The following TMEM131 variants were observed in gnomAD, a reference collection of about 807,000 sequenced individuals.
TMEM131 encodes the protein 2610524E03Rik.
Under a neutral mutation model 211.6 loss-of-function variants are expected in TMEM131, and 66 were observed. That is an observed-to-expected ratio of 0.31 (90% CI 0.26 to 0.38). TMEM131 has a LOEUF of 0.38. Among genes scored for constraint, TMEM131 ranks in the 10% least tolerant of loss-of-function variants. The pLI, the probability that TMEM131 is intolerant of heterozygous loss-of-function variation, is 1.00. For synonymous variants in TMEM131, 844 were observed against 841.3 expected (o/e 1.00, Z -0.06); for missense variants, 2,036 against 2,299.3 (o/e 0.89, Z 2.34).
At chr2:97,835,465 AT>A (rs1159060736) in intron 8 of TMEM131, among the ~76,000 whole-genome samples, 41 of 152,368 alleles carry the variant, frequency 2.7e-4, no homozygotes, top group Non-Finnish European at 5.9e-4. Flanking sequence ...GTAAGACAGC[AT>A]ACATTTTCAG....
intron 5 of TMEM131, among the ~76,000 whole-genome samples, chr2:97,849,737 T>TTTTTC (rs1673523028): frequency 6.7e-6 from 1 of 148,152 alleles, no homozygotes; most frequent in African/African-American, 2.5e-5. Flanking sequence ...TTTTTTTTTT[T>TTTTTC]TTTACTGTTT....
At chr2:97,947,147 G>A (rs951632530) in intron 1 of TMEM131, among the ~76,000 whole-genome samples, 4 of 151,872 alleles carry the variant, frequency 2.6e-5, no homozygotes, top group Admixed American at 2.6e-4. Flanking sequence ...TTTAAGATTA[G>A]AACAAGGTAA....
intron 31 of TMEM131, among the ~76,000 whole-genome samples, chr2:97,787,536 C>T (rs1335982537): frequency 1.3e-5 from 2 of 152,240 alleles, no homozygotes; most frequent in Non-Finnish European, 2.9e-5. Flanking sequence ...TTTTCCTGGA[C>T]CTCCCATTGT....
At chr2:97,946,822 C>G (rs1237750240) in intron 1 of TMEM131, among the ~76,000 whole-genome samples, 4 of 151,702 alleles carry the variant, frequency 2.6e-5, no homozygotes, top group Admixed American at 2.6e-4. Context: ...TGCAAAAATT[C>G]TTGTCAAAAT....
chr2:97,904,776 G>A (rs1369612541), intron 3 of TMEM131, among the ~76,000 whole-genome samples: 1 of 149,220 alleles, frequency 6.7e-6, no homozygotes, highest in Non-Finnish European at 1.5e-5. Context: ...CTATCTTCGT[G>A]ACTAGTTTAT....
chr2:97,893,868 A>G (rs567347837), intron 3 of TMEM131, among the ~76,000 whole-genome samples: 30 of 148,896 alleles, frequency 2.0e-4, no homozygotes, highest in Admixed American at 6.0e-4. Context: ...CTGTGCAGAA[A>G]CTCTTTAGTT....
intron 11 of TMEM131, among the ~76,000 whole-genome samples, chr2:97,830,640 A>G (rs1349126608): frequency 1.3e-5 from 2 of 152,250 alleles, no homozygotes; most frequent in Non-Finnish European, 2.9e-5. Context: ...ACCAAGGGAA[A>G]CCTCATGCAA....
At chr2:97,767,413 C>T (rs1321000206) in intron 33 of TMEM131, among the ~76,000 whole-genome samples, 1 of 152,132 alleles carries the variant, frequency 6.6e-6, no homozygotes, top group Non-Finnish European at 1.5e-5. Context: ...GAGTAGAATA[C>T]CTATATGGGC....
intron 11 of TMEM131, among the ~76,000 whole-genome samples, chr2:97,822,499 C>A (rs943369396): frequency 3.3e-5 from 5 of 152,134 alleles, no homozygotes; most frequent in African/African-American, 1.2e-4. Flanking sequence ...GGGTAAAGTC[C>A]CAACACTAAC....
rs550758710 is a variant in TMEM131, at chr2:97,793,673, TTGTC to T, written c.3387-124_3387-121del. On this transcript the variant is annotated intron_variant, in intron 29 of 40. Transcript: ENST00000186436. Reference sequence around the variant, plus strand: ...CAATATGATGTAATAGAAAACCAAGTTGTCTGTGACAACTTTTAACAGACAAAAC... The same window carrying T: ...CAATATGATGTAATAGAAAACCAAGTTGTGACAACTTTTAACAGACAAAAC... The T allele has an allele frequency of 1.2e-4, 121 of 1,033,984 alleles. 1 individual carries two copies. In the South Asian group the frequency reaches 1.5e-3, roughly 13 times the overall value. 64.1% of individuals were successfully genotyped at this position (1,033,984 alleles called of 1,614,324 possible). A position where few individuals can be genotyped will look rare whatever the true frequency, so the allele number is the denominator to read the frequency against.
intron 25 of TMEM131, 132 bp downstream of exon 25, chr2:97,801,763 T>C: frequency 3.7e-6 from 2 of 543,800 alleles, no homozygotes; most frequent in Middle Eastern, 5.1e-4. Context: ...AAATAATTAC[T>C]GGACTGCTCT....
chr2:97,964,436 T>C lies in TMEM131; in HGVS notation c.187+31040A>G, dbSNP rs542520965. On this transcript the variant is annotated intron_variant, in intron 1 of 40. Coordinates refer to ENST00000186436, the MANE Select transcript of TMEM131 (RefSeq NM_015348.2). The stretch of plus-strand genomic sequence containing the variant: ...GCAAACAAATTGCAGGGAAATACAG[T>C]TGGGAAAGAAGTCAATGTTTTCCAT... Among the ~76,000 whole-genome samples the C allele has an allele frequency of 3.3e-5, 5 of 152,328 alleles. No homozygotes were observed. In the East Asian group the frequency reaches 5.8e-4, roughly 18 times the overall value.
chr2:97,910,247 T>C (rs1676238920), intron 2 of TMEM131, among the ~76,000 whole-genome samples: 1 of 152,150 alleles, frequency 6.6e-6, no homozygotes, highest in Admixed American at 6.5e-5. Flanking sequence ...GGCAAGGATG[T>C]GGTGAAACTG....
intron 3 of TMEM131, among the ~76,000 whole-genome samples, chr2:97,907,664 T>G (rs1486684174): frequency 1.3e-5 from 2 of 152,200 alleles, no homozygotes; most frequent in South Asian, 2.1e-4. Flanking sequence ...TTTTTAAGGA[T>G]AAATTTGCCT....
chr2:97,970,880 C>T (rs139733802), intron 1 of TMEM131, among the ~76,000 whole-genome samples: 74 of 152,252 alleles, frequency 4.9e-4, no homozygotes, highest in African/African-American at 1.5e-3. Flanking sequence ...TGACTATGTG[C>T]TCTGGAACTG....
At chr2:97,963,162 T>C (rs1313645348) in intron 1 of TMEM131, among the ~76,000 whole-genome samples, 2 of 152,196 alleles carry the variant, frequency 1.3e-5, no homozygotes, top group Non-Finnish European at 2.9e-5. Context: ...ATGCAAATTA[T>C]ACCTCAATAG....
chr2:97,794,852 G>C lies in TMEM131; in HGVS notation c.3386+78C>G, dbSNP rs542683222. ...CTGGCATATCCTAGCACTCAGAACAGTGGCTGGCACACAGTGGGCACTCGA... is the reference window on the plus strand; with the variant it reads ...CTGGCATATCCTAGCACTCAGAACACTGGCTGGCACACAGTGGGCACTCGA... On this transcript the variant is annotated intron_variant, in intron 29 of 40. Transcript: ENST00000186436. 2.1e-5 allele frequency: 26 copies of C among 1,244,100 alleles called. No individual in the cohort carries two copies. In the African/African-American group the frequency reaches 3.9e-4, roughly 19 times the overall value. The allele number at this position is 1,244,100 out of a possible 1,614,324, so 77.1% of individuals were successfully genotyped here.
intron 4 of TMEM131, among the ~76,000 whole-genome samples, chr2:97,868,203 T>G (rs533092298): frequency 7.2e-4 from 110 of 152,366 alleles, no homozygotes; most frequent in Non-Finnish European, 1.4e-3. Flanking sequence ...TTCTGAAGTT[T>G]ACTTTGTCCA....
rs1029315032 is a variant in TMEM131 at position 97,756,451 on chromosome 2, A to G, written c.*648T>C. 6.6e-6 allele frequency: 1 copy of G among 152,254 alleles called. No homozygotes were observed. The highest frequency in any genetic ancestry group is 1.5e-5 in the Non-Finnish European group (1 of 68,044). 9.4% of individuals were successfully genotyped at this position (152,254 alleles called of 1,614,324 possible). A position where few individuals can be genotyped will look rare whatever the true frequency, so the allele number is the denominator to read the frequency against. ...ATGTGCATTTCAGTTCATCTTTAAA[A>G]TAAGTTCAGGTATACAAATGTTACA... On this transcript the variant is annotated 3_prime_UTR_variant, in exon 41 of 41. Transcript: ENST00000186436.
Sources: allele counts gnomAD v4.1 joint callset (sites outside exome capture counted in the v4.1 genomes callset), GRCh38; gene constraint gnomAD v4.1.1; transcripts MANE v1.5; gene names NCBI Gene and HGNC (gene_info 2026-07-23, HGNC 2026-07-21).